The following KIAA1217 variants were observed in gnomAD, a reference collection of about 807,000 sequenced individuals.
The protein encoded by KIAA1217 is sickle tail protein homolog.
A neutral mutation model predicts 163.9 loss-of-function variants in KIAA1217; 88 were observed. The observed-to-expected ratio is 0.54, with a 90% CI of 0.45 to 0.64. The LOEUF (loss-of-function observed/expected upper bound fraction) is 0.64. KIAA1217 is among the 30% of genes least tolerant of loss of function. The pLI is 0.00. For missense variants in KIAA1217, 2,372 were observed against 2,475.0 expected, an observed-to-expected ratio of 0.96 and a Z score of 0.88; for synonymous variants, 903 against 923.1, an observed-to-expected ratio of 0.98 and a Z score of 0.39.
intron 2 of KIAA1217, among the ~76,000 whole-genome samples, chr10:24,180,337 A>G (rs533405518): frequency 7.3e-6 from 1 of 136,146 alleles, no homozygotes; most frequent in South Asian, 2.4e-4. Context: ...CCCAGGCTAG[A>G]GTGCAGTGGC....
At chr10:23,839,139 C>T (rs1464591397) in intron 1 of KIAA1217, among the ~76,000 whole-genome samples, 1 of 152,016 alleles carries the variant, frequency 6.6e-6, no homozygotes. Flanking sequence ...GCCTAGTTTT[C>T]TTCTCCTATC....
At position 23,914,420 on chromosome 10, in the gene KIAA1217, T is replaced by C. The variant is rs138577051; in HGVS notation, c.-320-92805T>C. Among the ~76,000 whole-genome samples, 77 of 152,242 alleles carry C rather than the reference T, an allele frequency of 5.1e-4. No homozygotes were observed. In the East Asian group the frequency reaches 0.011, roughly 21 times the overall value. On this transcript the variant is annotated intron_variant, in intron 1 of 18. Coordinates refer to the KIAA1217 transcript ENST00000376462. ...GCCTCCAATTCCTGGGCTCAAGCAATCCTCCCACCTCAGCCTCCTGAGTAG... is the reference window on the plus strand; with the variant it reads ...GCCTCCAATTCCTGGGCTCAAGCAACCCTCCCACCTCAGCCTCCTGAGTAG...
At chr10:24,158,153 A>C (rs1357892178) in intron 2 of KIAA1217, 2 of 751,134 alleles carry the variant, frequency 2.7e-6, no homozygotes, top group Non-Finnish European at 5.0e-6. Context: ...AACACCTTTA[A>C]CTTCAAGAAG....
At chr10:23,968,527 G>C (rs12355293) in intron 1 of KIAA1217, among the ~76,000 whole-genome samples, 28,928 of 152,106 alleles carry the variant, frequency 0.19, 3,060 homozygotes, top group Middle Eastern at 0.27. Flanking sequence ...AGTGTACAGT[G>C]TGGTGGTATT....
At chr10:23,719,878 C>T (rs1291196779) in intron 1 of KIAA1217, among the ~76,000 whole-genome samples, 1 of 152,120 alleles carries the variant, frequency 6.6e-6, no homozygotes, top group Non-Finnish European at 1.5e-5. Flanking sequence ...CGCGCCACTG[C>T]ACTCCAGCCT....
chr10:23,994,250 G>T (rs1472674314), intron 1 of KIAA1217, among the ~76,000 whole-genome samples: 1 of 152,146 alleles, frequency 6.6e-6, no homozygotes, highest in African/African-American at 2.4e-5. Flanking sequence ...TGACCTCAAT[G>T]GTCTTTTAGT....
At chr10:24,482,553 C>T (rs1479944258) in intron 6 of KIAA1217, 2 of 152,204 alleles carry the variant, frequency 1.3e-5, no homozygotes, top group Non-Finnish European at 2.9e-5. Context: ...ACACACAGGA[C>T]ACATAGTTTA....
intron 2 of KIAA1217, among the ~76,000 whole-genome samples, chr10:24,077,595 G>A (rs1356014068): frequency 6.6e-6 from 1 of 152,152 alleles, no homozygotes; most frequent in African/African-American, 2.4e-5. Context: ...TGGGCATTTG[G>A]GTTGACTTCA....
At chr10:24,255,575 C>G (rs2075058631) in intron 2 of KIAA1217, 1 of 455,660 alleles carries the variant, frequency 2.2e-6, no homozygotes, top group African/African-American at 2.0e-5. Flanking sequence ...GGGGGCCCTT[C>G]CGAGCAGCAG....
chr10:23,837,240 T>C (rs1213507349), intron 1 of KIAA1217, among the ~76,000 whole-genome samples: 1 of 152,182 alleles, frequency 6.6e-6, no homozygotes, highest in Non-Finnish European at 1.5e-5. Context: ...ATTTCTCTTG[T>C]TCAGGCCACC....
At chr10:23,787,671 C>CCACAATG (rs1385356858) in intron 1 of KIAA1217, among the ~76,000 whole-genome samples, 1 of 152,140 alleles carries the variant, frequency 6.6e-6, no homozygotes, top group East Asian at 1.9e-4. Flanking sequence ...CAAAAATCCG[C>CCACAATG]CACAATGCTC....
At chr10:23,883,201 C>A (rs1564504445) in intron 1 of KIAA1217, among the ~76,000 whole-genome samples, 2 of 151,868 alleles carry the variant, frequency 1.3e-5, no homozygotes, top group South Asian at 4.2e-4. Context: ...TGATAATACA[C>A]TGGTCTGAAA....
intron 2 of KIAA1217, among the ~76,000 whole-genome samples, chr10:24,365,880 A>T (rs556031074): frequency 6.6e-6 from 1 of 152,292 alleles, no homozygotes; most frequent in South Asian, 2.1e-4. Context: ...TCTAAGTAAT[A>T]TACACACATA....
rs1401886261 is a variant in KIAA1217 at position 24,523,048 on chromosome 10, G to A, written c.2456+1119G>A. 5.3e-5 allele frequency among the ~76,000 whole-genome samples: 8 copies of A among 152,136 alleles called. No individual in the cohort carries two copies. The South Asian group carries it at 1.2e-3, about 24-fold the overall frequency. ...CGTGCTCGTAATCCCAGCTACTCAG[G>A]AGGCTGAGATGGGAGGATCACTTAG... On this transcript the variant is annotated intron_variant, in intron 12 of 20. Coordinates refer to ENST00000376454, the MANE Select transcript of KIAA1217 (RefSeq NM_019590.5).
intron 3 of KIAA1217, among the ~76,000 whole-genome samples, chr10:24,406,382 TTCACACACAAACA>T (rs888088791): frequency 8.2e-6 from 1 of 122,290 alleles, no homozygotes; most frequent in Non-Finnish European, 1.7e-5. Flanking sequence ...CAAAGGTACA[TTCACACACAAACA>T]CACACACACA....
At chr10:24,131,213 TC>T (rs1225444476) in intron 2 of KIAA1217, among the ~76,000 whole-genome samples, 1 of 152,198 alleles carries the variant, frequency 6.6e-6, no homozygotes, top group Non-Finnish European at 1.5e-5. Flanking sequence ...TTTACATTCA[TC>T]CATAATAGCT....
chr10:24,313,574 C>T (rs1015598290), intron 2 of KIAA1217, among the ~76,000 whole-genome samples: 2 of 152,092 alleles, frequency 1.3e-5, no homozygotes, highest in African/African-American at 4.8e-5. Context: ...GTAGGAAACT[C>T]TTGTGTATTT....
At position 23,915,324 on chromosome 10, in the gene KIAA1217, G is replaced by A. The variant is rs77987604; in HGVS notation, c.-320-91901G>A. On this transcript the variant is annotated intron_variant, in intron 1 of 18. Transcript: ENST00000376462. ...TTGTCATGAGCTGAGATGTAGATGG[G>A]AAAACAAGAGTTTACCAGTGAGGGA... Among the ~76,000 whole-genome samples, 1,241 of 152,222 alleles carry A rather than the reference G, an allele frequency of 8.2e-3. 20 individuals carry two copies. Among genetic ancestry groups the A allele is most frequent in the African/African-American group, 0.028 (1,159 of 41,528 alleles).
chr10:23,798,172 C>T (rs1836297891), intron 1 of KIAA1217, among the ~76,000 whole-genome samples: 1 of 152,136 alleles, frequency 6.6e-6, no homozygotes, highest in Non-Finnish European at 1.5e-5. Flanking sequence ...TCCCTCAAGG[C>T]CTGGCCTATG....
Sources: allele counts gnomAD v4.1 joint callset (sites outside exome capture counted in the v4.1 genomes callset), GRCh38; gene constraint gnomAD v4.1.1; transcripts MANE v1.5; gene names NCBI Gene and HGNC (gene_info 2026-07-23, HGNC 2026-07-21).